Variants in DCAF8L2 observed in about 807,000 individuals in gnomAD.
The protein encoded by DCAF8L2 is DDB1 and CUL4 associated factor 8 like 2, also known as DDB1- and CUL4-associated factor 8-like protein 2.
For missense variants in DCAF8L2, 430 were observed against 490.7 expected, an observed-to-expected ratio of 0.88 and a Z score of 1.17; for synonymous variants, 200 against 190.9, an observed-to-expected ratio of 1.05 and a Z score of -0.39.
intron 4 of DCAF8L2, among the ~76,000 whole-genome samples, chrX:27,724,143 A>G (rs181357001): frequency 2.7e-5 from 3 of 110,921 alleles, no homozygotes; most frequent in African/African-American, 6.5e-5. Flanking sequence ...CCAAACATGC[A>G]TCTTGTATGA....
intron 2 of DCAF8L2, among the ~76,000 whole-genome samples, chrX:27,635,003 GAA>G (rs1390371514): frequency 2.8e-5 from 3 of 106,627 alleles, no homozygotes; most frequent in South Asian, 4.2e-4. Context: ...GAGAGAGAGA[GAA>G]AGAGAGAGAG....
rs1486263938 is a variant in DCAF8L2, at chrX:27,590,346, G to A, written c.-436G>A. The A allele has an allele frequency of 2.7e-5, 3 of 111,409 alleles. No homozygotes were observed. The highest frequency in any genetic ancestry group is 9.8e-5 in the African/African-American group (3 of 30,632). 9.2% of individuals were successfully genotyped at this position (111,409 alleles called of 1,213,427 possible). A position where few individuals can be genotyped will look rare whatever the true frequency, so the allele number is the denominator to read the frequency against. ...ACCATGAGAGATAGTTTTGTTCTGT[G>A]GAGTCGCAAAAGCTGAACATCCTCC... On this transcript the variant is annotated 5_prime_UTR_variant, in exon 1 of 5. Coordinates refer to ENST00000451261, the MANE Select transcript of DCAF8L2 (RefSeq NM_001353450.2).
At chrX:27,470,341 T>C in the DCAF8L2 span, among the ~76,000 whole-genome samples, 3 of 111,910 alleles carry the variant, frequency 2.7e-5, no homozygotes, top group South Asian at 1.1e-3. Context: ...GAAATTGCAT[T>C]GTAGAAAACC....
At chrX:27,558,608 TTTTA>T in the DCAF8L2 span, among the ~76,000 whole-genome samples, 1 of 111,134 alleles carries the variant, frequency 9.0e-6, no homozygotes, top group African/African-American at 3.3e-5. Flanking sequence ...TTTTTAAATT[TTTTA>T]TTTATTATTA....
chrX:27,541,977 A>G, the DCAF8L2 span, among the ~76,000 whole-genome samples: 1 of 111,969 alleles, frequency 8.9e-6, no homozygotes, highest in Admixed American at 9.5e-5. Flanking sequence ...TAATTCACTT[A>G]GGATAACCGC....
At position 27,614,787 on chromosome X, in the gene DCAF8L2, T is replaced by G. The variant is rs765200891; in HGVS notation, c.-341-17092T>G. Reference sequence around the variant, plus strand: ...TTTGAGTGAGTTTCTTAATCCTGAGTTCTAATTTGATTGCACTGTGGTCTG... The same window carrying G: ...TTTGAGTGAGTTTCTTAATCCTGAGGTCTAATTTGATTGCACTGTGGTCTG... On this transcript the variant is annotated intron_variant, in intron 1 of 4. Transcript: ENST00000451261. Among the ~76,000 whole-genome samples the G allele has an allele frequency of 3.6e-5, 4 of 111,557 alleles. No homozygotes were observed. In the East Asian group the frequency reaches 1.1e-3, roughly 32 times the overall value.
At chrX:27,624,621 T>A (rs1191296205) in intron 1 of DCAF8L2, among the ~76,000 whole-genome samples, 1 of 110,830 alleles carries the variant, frequency 9.0e-6, no homozygotes, top group Non-Finnish European at 1.9e-5. Flanking sequence ...AAGGGTGCAA[T>A]AACCAAAACA....
intron 1 of DCAF8L2, among the ~76,000 whole-genome samples, chrX:27,601,713 A>AC (rs1264824181): frequency 9.1e-6 from 1 of 110,200 alleles, no homozygotes; most frequent in African/African-American, 3.3e-5. Flanking sequence ...AAAAAAAAAA[A>AC]ACAATTTGAG....
the DCAF8L2 span, among the ~76,000 whole-genome samples, chrX:27,540,471 AG>A: frequency 6.3e-5 from 7 of 111,564 alleles, no homozygotes; most frequent in Non-Finnish European, 1.3e-4. Flanking sequence ...AGGCATGCAC[AG>A]AACGATAAAT....
Position 27,747,091 on chromosome X carries a change from G to C in DCAF8L2, c.196G>C (p.Ala66Pro), listed in dbSNP as rs1168457286. The part of the protein sequence containing the change: ...DSRDGGFPND[A>P]STENRSSDQE... ...CAGGGATGGTGGATTCCCCAACGAT[G>C]CCAGCACAGAAAATCGAAGCTCAGA... The change falls in exon 5 of 5, where the codon GCC (alanine) becomes CCC (proline). Residue 66 changes from alanine (A) to proline (P), a missense_variant. Ala to Pro is a conservative substitution (Grantham distance 27, BLOSUM62 -1). Coordinates refer to ENST00000451261, the MANE Select transcript of DCAF8L2 (RefSeq NM_001353450.2). The C allele has an allele frequency of 1.7e-6, 2 of 1,168,250 alleles. No homozygotes were observed. Among genetic ancestry groups the C allele is most frequent in the South Asian group, 1.9e-5 (1 of 52,751 alleles).
chrX:27,505,323 A>G, the DCAF8L2 span, among the ~76,000 whole-genome samples: 1 of 111,555 alleles, frequency 9.0e-6, no homozygotes, highest in African/African-American at 3.3e-5. Flanking sequence ...ACGGCTAAAT[A>G]CTTGGCGTTG....
chrX:27,742,596 CAAAA>C (rs761506755), intron 4 of DCAF8L2, among the ~76,000 whole-genome samples: 3 of 93,302 alleles, frequency 3.2e-5, no homozygotes, highest in South Asian at 5.3e-4. Context: ...CAAAAACAAA[CAAAA>C]AAAAAAAACC....
intron 1 of DCAF8L2, among the ~76,000 whole-genome samples, chrX:27,626,977 C>T (rs190654267): frequency 1.9e-5 from 2 of 106,342 alleles, no homozygotes; most frequent in African/African-American, 6.9e-5. Flanking sequence ...GAAGTAGCAG[C>T]TTATAATTAG....
At chrX:27,634,983 CAT>C (rs1555922126) in intron 2 of DCAF8L2, among the ~76,000 whole-genome samples, 4 of 99,156 alleles carry the variant, frequency 4.0e-5, no homozygotes, top group South Asian at 4.3e-4. Flanking sequence ...CACACACACA[CAT>C]ATATAGAGAG....
the DCAF8L2 span, among the ~76,000 whole-genome samples, chrX:27,492,692 G>T: frequency 9.0e-6 from 1 of 110,743 alleles, no homozygotes; most frequent in African/African-American, 3.3e-5. Flanking sequence ...TGTTGGTCAG[G>T]CTGGTCTCGA....
upstream of DCAF8L2, among the ~76,000 whole-genome samples, chrX:27,587,859 T>C (rs1925933254): frequency 9.2e-6 from 1 of 108,862 alleles, no homozygotes; most frequent in Non-Finnish European, 1.9e-5. Flanking sequence ...TCCCCATTCA[T>C]CCAGCATGTC....
At chrX:27,530,172 A>G in the DCAF8L2 span, among the ~76,000 whole-genome samples, 1 of 111,329 alleles carries the variant, frequency 9.0e-6, no homozygotes, top group African/African-American at 3.3e-5. Flanking sequence ...AAAGTGAATA[A>G]TAGAAAAGGA....
chrX:27,522,038 A>G, the DCAF8L2 span, among the ~76,000 whole-genome samples: 3 of 112,033 alleles, frequency 2.7e-5, no homozygotes, highest in South Asian at 3.7e-4. Context: ...CTCAGTGTGT[A>G]TTTTTTGAGA....
At chrX:27,588,263 T>C (rs1352199508), upstream of DCAF8L2, among the ~76,000 whole-genome samples, 2 of 109,886 alleles carry the variant, frequency 1.8e-5, no homozygotes. Flanking sequence ...TGGTTTTCTG[T>C]TCCTGCATTA....
Sources: gnomAD v4.1 joint callset for allele counts (sites outside exome capture counted in the v4.1 genomes callset) on GRCh38, gnomAD v4.1.1 for gene constraint, MANE v1.5 for transcripts, NCBI Gene and HGNC (gene_info 2026-07-23, HGNC 2026-07-21) for gene names.